Variants in BDP1 observed in about 807,000 individuals in gnomAD.
BDP1 encodes the protein transcription factor TFIIIB component B'' homolog.
A neutral mutation model predicts 266.6 loss-of-function variants in BDP1; 169 were observed. The observed-to-expected ratio is 0.63, with a 90% CI of 0.56 to 0.72. The LOEUF (loss-of-function observed/expected upper bound fraction) is 0.72, where lower values mean the gene tolerates loss of function less well. BDP1 is among the 30% of genes least tolerant of loss of function. The pLI is 0.00. For synonymous variants in BDP1, 1,090 were observed against 1,022.4 expected (o/e 1.07, Z -1.26); for missense variants, 3,015 against 3,053.8 (o/e 0.99, Z 0.30).
rs766081572 is a variant in BDP1, at chr5:71,510,517, A to G, written c.3425A>G (p.Asp1142Gly). 1 of 1,614,022 alleles carries G rather than the reference A, an allele frequency of 6.2e-7. No homozygotes were observed. The highest frequency in any genetic ancestry group is 1.7e-5 in the Admixed American group (1 of 60,014). ...GTGATTGATGCCACTGAGGAAATAG[A>G]CAAAGATCTGGAAGAAACTGGAAGA... ...PEVIDATEEIDKDLEETGRRE... is the reference protein window; with the variant it reads ...PEVIDATEEIGKDLEETGRRE... The change falls in exon 17 of 39, where the codon GAC becomes GGC. Residue 1142 changes from aspartate (D) to glycine (G), a missense_variant. By Grantham distance (94) the Asp-to-Gly change is moderately conservative. This residue lies in a region of BDP1 where 2,383 missense variants were observed against 2,404.9 expected (regional missense o/e 0.99). Transcript: ENST00000358731.
intron 38 of BDP1, among the ~76,000 whole-genome samples, chr5:71,563,504 T>C (rs998380209): frequency 4.6e-5 from 7 of 152,218 alleles, no homozygotes; most frequent in African/African-American, 1.7e-4. Context: ...TTTTTTTCTC[T>C]GTATGTCATT....
intron 4 of BDP1, among the ~76,000 whole-genome samples, chr5:71,465,230 G>T (rs1207137228): frequency 1.3e-5 from 2 of 151,902 alleles, no homozygotes; most frequent in Non-Finnish European, 2.9e-5. Context: ...GTACTGAAAA[G>T]TTAATCAAAT....
At chr5:71,577,708 G>T in the BDP1 span, among the ~76,000 whole-genome samples, 9 of 152,168 alleles carry the variant, frequency 5.9e-5, no homozygotes, top group Non-Finnish European at 8.8e-5. Context: ...TAGAAGACTG[G>T]ACTGAATTCC....
At chr5:71,491,392 T>C (rs1195146212) in intron 11 of BDP1, among the ~76,000 whole-genome samples, 1 of 152,200 alleles carries the variant, frequency 6.6e-6, no homozygotes, top group African/African-American at 2.4e-5. Context: ...ATTGTAGCTT[T>C]CTTTTGGTTG....
intron 31 of BDP1, among the ~76,000 whole-genome samples, chr5:71,544,820 C>T (rs1475418392): frequency 7.9e-6 from 1 of 126,848 alleles, no homozygotes; most frequent in Non-Finnish European, 1.5e-5. Flanking sequence ...ACGGAGCTTG[C>T]AGTGAGCCAA....
At chr5:71,492,492 T>C (rs1022311403) in intron 11 of BDP1, among the ~76,000 whole-genome samples, 3 of 152,340 alleles carry the variant, frequency 2.0e-5, no homozygotes, top group Non-Finnish European at 2.9e-5. Context: ...CGGATAATTA[T>C]TGAGTTGAGC....
At chr5:71,516,410 T>G in intron 21 of BDP1, 139 bp downstream of exon 21, 1 of 637,436 alleles carries the variant, frequency 1.6e-6, no homozygotes, top group Non-Finnish European at 2.6e-6. Flanking sequence ...TGTTTCAGAT[T>G]TGCTCTTCTG....
intron 25 of BDP1, among the ~76,000 whole-genome samples, chr5:71,525,648 C>G (rs71576941): frequency 7.8e-6 from 1 of 128,770 alleles, no homozygotes; most frequent in Admixed American, 7.3e-5. Flanking sequence ...CTGACCCCCC[C>G]ACCTCCCTTC....
At chr5:71,530,000 A>G (rs1338830431) in intron 25 of BDP1, among the ~76,000 whole-genome samples, 4 of 152,252 alleles carry the variant, frequency 2.6e-5, no homozygotes, top group Admixed American at 6.5e-5. Context: ...ATGATTGCAC[A>G]TATCTGTGAA....
At position 71,564,787 on chromosome 5, in the gene BDP1, T is replaced by TA; in HGVS notation, c.7778dup (p.Tyr2593Ter). 6.2e-7 allele frequency: 1 copy of TA among 1,610,694 alleles called. No homozygotes were observed. The highest frequency in any genetic ancestry group is 8.5e-7 in the Non-Finnish European group (1 of 1,179,404). ...TGATCAGCCCTTACTGAAAGAAGGA[T>TA]ATAAAAGTGCCCAAAAGCGGGCCCC... The part of the protein sequence containing the change: ...SCDQPLLKEG[Y>*]KSAQKRAPQG... Residue 2593 changes from tyrosine (Y) to a stop codon, truncating the protein, a stop_gained and frameshift_variant, in exon 39 of 39, where the codon TAT becomes TAAT. Transcript: ENST00000358731. LOFTEE classifies it high-confidence loss of function.
chr5:71,504,555 T>G, intron 15 of BDP1, 66 bp from the exon 16 acceptor site: 1 of 1,412,152 alleles, frequency 7.1e-7, no homozygotes, highest in Non-Finnish European at 9.7e-7. Flanking sequence ...ATTGGACATT[T>G]TCAATGAAAT....
rs368128199 is a variant in BDP1, at chr5:71,472,365, G to C, written c.1014+1876G>C. 7.9e-5 allele frequency among the ~76,000 whole-genome samples: 12 copies of C among 152,360 alleles called. No homozygotes were observed. The South Asian group carries it at 2.3e-3, about 29-fold the overall frequency. ...AATCCCAGCTACTCGGGAGGCTGAGGAAGGAGAATCGCCTGAACCCGGGAG... is the reference window on the plus strand; with the variant it reads ...AATCCCAGCTACTCGGGAGGCTGAGCAAGGAGAATCGCCTGAACCCGGGAG... On this transcript the variant is annotated intron_variant, in intron 7 of 38. Coordinates refer to ENST00000358731, the MANE Select transcript of BDP1 (RefSeq NM_018429.3).
At chr5:71,472,888 C>CTCTTTTTT (rs1554110460) in intron 7 of BDP1, among the ~76,000 whole-genome samples, 3 of 53,948 alleles carry the variant, frequency 5.6e-5, no homozygotes, top group African/African-American at 1.4e-4. Flanking sequence ...CTCTCTCTCT[C>CTCTTTTTT]TTTTTTTTTT....
Position 71,489,609 on chromosome 5 carries a change from T to G in BDP1, c.1419T>G (p.Asn473Lys). ...GGAGGAAGAAGCAAGATGGAGCTAA[T>G]GAACTGGGAGTAAACAATCTTTTAG... ...KRRRKKQDGA[N>K]ELGVNNLLEN... Residue 473 changes from asparagine (N) to lysine (K), a missense_variant, in exon 10 of 39, where the codon AAT (asparagine) becomes AAG (lysine). Around this residue, in one of 3 missense-constraint regions of BDP1, gnomAD observed 2,383 missense variants for 2,404.9 expected, o/e 0.99. Coordinates refer to ENST00000358731, the MANE Select transcript of BDP1 (RefSeq NM_018429.3). 1 of 1,614,112 alleles carries G rather than the reference T, an allele frequency of 6.2e-7. No homozygotes were observed. Among genetic ancestry groups the G allele is most frequent in the Non-Finnish European group, 8.5e-7 (1 of 1,179,988 alleles).
At chr5:71,526,121 C>T (rs1169525908) in intron 25 of BDP1, among the ~76,000 whole-genome samples, 1 of 152,194 alleles carries the variant, frequency 6.6e-6, no homozygotes, top group Non-Finnish European at 1.5e-5. Flanking sequence ...GAGCCGAGAT[C>T]ACGCCACTGC....
chr5:71,505,596 G>T (rs900108424), intron 16 of BDP1, among the ~76,000 whole-genome samples: 1 of 152,238 alleles, frequency 6.6e-6, no homozygotes, highest in Non-Finnish European at 1.5e-5. Context: ...CAAAAGTGCA[G>T]TAGTGGACTC....
rs150763040 is a variant in BDP1, at chr5:71,467,391, G to A, written c.823G>A (p.Val275Ile). ...VEVLRTKGPC[V>I]VEENDPIFER... ...AGTTTTAAGAACAAAAGGCCCTTGT[G>A]TTGTTGAAGAAAATGACCCCATATT... Residue 275 changes from valine to isoleucine, a missense_variant, in exon 6 of 39, where the codon GTT becomes ATT. Val to Ile is a conservative substitution (Grantham distance 29, BLOSUM62 3). Coordinates refer to ENST00000358731, the MANE Select transcript of BDP1 (RefSeq NM_018429.3). The A allele has an allele frequency of 6.7e-4, 1,087 of 1,610,476 alleles. 14 individuals carry two copies. In the African/African-American group the frequency reaches 0.013, roughly 19 times the overall value.
At chr5:71,562,011 G>A (rs1271759174) in intron 37 of BDP1, among the ~76,000 whole-genome samples, 2 of 151,922 alleles carry the variant, frequency 1.3e-5, no homozygotes, top group African/African-American at 4.8e-5. Context: ...TTGGGAGGCT[G>A]AGGCAGGCAG....
intron 22 of BDP1, among the ~76,000 whole-genome samples, chr5:71,521,535 G>A (rs1765495794): frequency 6.6e-6 from 1 of 151,878 alleles, no homozygotes; most frequent in African/African-American, 2.4e-5. Context: ...CAGGTGATCC[G>A]CCCACCTCGG....
Sources: gnomAD v4.1 joint callset for allele counts (sites outside exome capture counted in the v4.1 genomes callset) on GRCh38, gnomAD v4.1.1 for gene constraint, gnomAD v4.1.1 regional missense constraint, MANE v1.5 for transcripts, NCBI Gene and HGNC (gene_info 2026-07-23, HGNC 2026-07-21) for gene names.